MYO10: variants seen among roughly 807,000 people sequenced by gnomAD.
MYO10 encodes the protein myosin X.
In MYO10, 133 loss-of-function variants were observed where a neutral mutation model predicts 257.3. The observed-to-expected ratio is 0.52, with a 90% CI of 0.45 to 0.60. The LOEUF (loss-of-function observed/expected upper bound fraction) is 0.60. Ranked by LOEUF, MYO10 falls within the 20% of genes least tolerant of loss-of-function variation. The pLI is 0.00. For synonymous variants in MYO10, 1,104 were observed against 1,028.6 expected (o/e 1.07, Z -1.40); for missense variants, 2,399 against 2,635.7 (o/e 0.91, Z 1.97).
intron 19 of MYO10, chr5:16,742,152 A>T: frequency 1.3e-5 from 13 of 985,410 alleles, no homozygotes; most frequent in South Asian, 4.7e-5. Flanking sequence ...TTTTAAAAAA[A>T]GTCCCAGGAC....
rs746121983 is a variant in MYO10, at chr5:16,670,727, C to G, written c.5682G>C (p.Arg1894=). Residue 1894 remains arginine (R), a synonymous_variant, in exon 39 of 41, where the codon CGG becomes CGC. Transcript: ENST00000513610. ...CCTTCTGCCGGACCACGGATCCTGT[C>G]CGGAAGCTCCGCCTCAGGGTCCCCT... ...FLEGTLRRSF[R]TGSVVRQKVE... 2 of 1,614,088 alleles carry G rather than the reference C, an allele frequency of 1.2e-6. No homozygotes were observed. Among genetic ancestry groups the G allele is most frequent in the Admixed American group, 3.3e-5 (2 of 60,024 alleles).
At chr5:16,907,317 G>C (rs1007811654) in intron 1 of MYO10, among the ~76,000 whole-genome samples, 1 of 151,982 alleles carries the variant, frequency 6.6e-6, no homozygotes, top group Non-Finnish European at 1.5e-5. Context: ...ATACTACACT[G>C]CCTCTCAAAT....
chr5:16,694,679 C>G, intron 26 of MYO10, 65 bp from the exon 27 acceptor site: 1 of 1,585,454 alleles, frequency 6.3e-7, no homozygotes, highest in Non-Finnish European at 8.6e-7. Flanking sequence ...ATGACAACAA[C>G]ATGCATAGCA....
At chr5:16,781,930 A>G (rs1402051449) in intron 5 of MYO10, 101 bp from the exon 6 acceptor site, 22 of 1,415,072 alleles carry the variant, frequency 1.6e-5, no homozygotes, top group Non-Finnish European at 1.7e-5. Context: ...TGCAAGAAAA[A>G]TCTGAAACCA....
chr5:16,848,589 G>A (rs10213824), intron 2 of MYO10, among the ~76,000 whole-genome samples: 3 of 151,868 alleles, frequency 2.0e-5, no homozygotes, highest in Non-Finnish European at 4.4e-5. Context: ...CCAACATCAC[G>A]TGGGGTTTGT....
At chr5:16,708,452 G>T (rs1738444356) in intron 21 of MYO10, among the ~76,000 whole-genome samples, 1 of 152,174 alleles carries the variant, frequency 6.6e-6, no homozygotes, top group African/African-American at 2.4e-5. Flanking sequence ...AGTGAAGCTG[G>T]ATTAGTACTT....
At chr5:16,826,730 T>C (rs1217340521) in intron 2 of MYO10, among the ~76,000 whole-genome samples, 1 of 152,240 alleles carries the variant, frequency 6.6e-6, no homozygotes, top group African/African-American at 2.4e-5. Context: ...TGGCCTCGTT[T>C]AGATTTTTCC....
At chr5:16,706,300 A>T (rs1031257905) in intron 21 of MYO10, among the ~76,000 whole-genome samples, 1 of 151,496 alleles carries the variant, frequency 6.6e-6, no homozygotes, top group Admixed American at 6.6e-5. Context: ...TATACATGAG[A>T]ATATATATAT....
intron 1 of MYO10, among the ~76,000 whole-genome samples, chr5:16,920,289 A>T (rs529528165): frequency 6.6e-6 from 1 of 152,194 alleles, no homozygotes; most frequent in Non-Finnish European, 1.5e-5. Context: ...AGCAAATAAG[A>T]TAAACAAAAT....
At chr5:16,904,518 C>T (rs1190513445) in intron 1 of MYO10, among the ~76,000 whole-genome samples, 1 of 152,132 alleles carries the variant, frequency 6.6e-6, no homozygotes, top group East Asian at 1.9e-4. Flanking sequence ...GGTCTGACGC[C>T]GGGTAGACAG....
intron 1 of MYO10, among the ~76,000 whole-genome samples, chr5:16,913,870 G>C (rs994035802): frequency 2.0e-5 from 3 of 152,098 alleles, no homozygotes; most frequent in Admixed American, 6.6e-5. Context: ...AGTTGCTCGA[G>C]ACAAAAAGAC....
chr5:16,803,200 A>G (rs1409245101), intron 3 of MYO10, among the ~76,000 whole-genome samples: 1 of 152,178 alleles, frequency 6.6e-6, no homozygotes, highest in African/African-American at 2.4e-5. Flanking sequence ...CCGAGGCGGG[A>G]GGATCACTTG....
intron 19 of MYO10, among the ~76,000 whole-genome samples, chr5:16,748,766 T>C (rs1740293294): frequency 6.6e-6 from 1 of 152,178 alleles, no homozygotes. Flanking sequence ...GCTTCCATAA[T>C]GTCTGCACAG....
intron 2 of MYO10, among the ~76,000 whole-genome samples, chr5:16,818,537 A>G (rs940235769): frequency 1.1e-4 from 16 of 151,692 alleles, no homozygotes; most frequent in African/African-American, 3.9e-4. Context: ...CTGAGACTCA[A>G]GTGATCCTCC....
chr5:16,704,473 GC>G (rs1738237937), intron 22 of MYO10, 105 bp downstream of exon 22: 6 of 925,904 alleles, frequency 6.5e-6, no homozygotes, highest in Non-Finnish European at 9.8e-6. Context: ...CTGACCTGAG[GC>G]TCCCCTCAAT....
rs370694777 is a variant in MYO10, at chr5:16,666,777, T to C, written c.6092A>G (p.Lys2031Arg). The change falls in exon 41 of 41, where the codon AAG becomes AGG. Residue 2031 changes from lysine (K) to arginine (R), a missense_variant. This residue lies in a region of MYO10 where 1,820 missense variants were observed against 1,939.4 expected (regional missense o/e 0.94). Transcript: ENST00000513610. ...FETSEVVDVAKLMKAYISMIV... is the reference protein window; with the variant it reads ...FETSEVVDVARLMKAYISMIV... ...CATGCTGATGTAGGCTTTCATGAGC[T>C]TGGCCACATCCACCACCTGCCCAGG... 77 of 1,604,504 alleles carry C rather than the reference T, an allele frequency of 4.8e-5. No homozygotes were observed. Among genetic ancestry groups the C allele is most frequent in the Non-Finnish European group, 6.2e-5 (73 of 1,176,946 alleles).
intron 2 of MYO10, among the ~76,000 whole-genome samples, chr5:16,840,444 T>A (rs62370978): frequency 0.036 from 3,666 of 100,890 alleles, 51 homozygotes; most frequent in African/African-American, 0.045. Flanking sequence ...AATGAATGAA[T>A]GAAAGAAAGA....
chr5:16,818,400 GTGTGTGTGTGTA>G lies in MYO10; in HGVS notation c.121-245_121-234del, dbSNP rs1273276105. 4.2e-4 allele frequency among the ~76,000 whole-genome samples: 47 copies of G among 112,492 alleles called. No homozygotes were observed. The Middle Eastern group carries it at 0.013, about 31-fold the overall frequency. The allele number at this position is 112,492 out of a possible 152,430, so 73.8% of individuals were successfully genotyped here. ...TGTGTGCGTGTGTGTGTGTGTGTGT[GTGTGTGTGTGTA>G]TATATATATATATACACATATCTTT... On this transcript the variant is annotated intron_variant, in intron 2 of 40. Transcript: ENST00000513610.
At chr5:16,835,492 G>GTTTTTTTTTTTT (rs1554001242) in intron 2 of MYO10, among the ~76,000 whole-genome samples, 2 of 81,086 alleles carry the variant, frequency 2.5e-5, no homozygotes, top group African/African-American at 4.6e-5. Context: ...ATTTTTGGCT[G>GTTTTTTTTTTTT]TTTTTTTTTT....
Sources: gnomAD v4.1 joint callset for allele counts (sites outside exome capture counted in the v4.1 genomes callset) on GRCh38, gnomAD v4.1.1 for gene constraint, gnomAD v4.1.1 regional missense constraint, MANE v1.5 for transcripts, NCBI Gene and HGNC (gene_info 2026-07-23, HGNC 2026-07-21) for gene names.